RASSF6: variants seen among roughly 807,000 people sequenced by gnomAD.
RASSF6 encodes the protein ras association domain-containing protein 6.
In RASSF6, 52 loss-of-function variants were observed where a neutral mutation model predicts 44.0. That is an observed-to-expected ratio of 1.18 (90% CI 0.95 to 1.49). The LOEUF is 1.49. Among genes scored for constraint, RASSF6 ranks in the 40% most tolerant of loss-of-function variants. The probability of loss-of-function intolerance (pLI) is 0.00; values close to 1 mark genes in which losing one functional copy is unlikely to be tolerated. For synonymous variants in RASSF6, 162 were observed against 124.6 expected, an observed-to-expected ratio of 1.30 and a Z score of -2.00; for missense variants, 464 against 393.3, an observed-to-expected ratio of 1.18 and a Z score of -1.52.
intron 1 of RASSF6, among the ~76,000 whole-genome samples, chr4:73,616,194 A>G (rs1429451601): frequency 6.6e-6 from 1 of 151,998 alleles, no homozygotes; most frequent in Non-Finnish European, 1.5e-5. Flanking sequence ...ATGATTTTAC[A>G]AAGAACTAAT....
rs1578012002 is a variant in RASSF6, at chr4:73,576,276, G to T, written c.973C>A (p.Leu325Ile). The change falls in exon 11 of 11, where the codon CTT becomes ATT. Residue 325 changes from leucine to isoleucine, a missense_variant. Leu to Ile is a conservative substitution (Grantham distance 5, BLOSUM62 2). Coordinates refer to ENST00000307439, the MANE Select transcript of RASSF6 (RefSeq NM_177532.5). ...NKEKAIILKC[L>I]QNKLVIKTET... ...GTTTTTATTACTAGTTTATTTTGAA[G>T]ACATTTCAGTATAATCGCCTTTTCT... 2 of 1,562,470 alleles carry T rather than the reference G, an allele frequency of 1.3e-6. No homozygotes were observed. The highest frequency in any genetic ancestry group is 1.8e-6 in the Non-Finnish European group (2 of 1,137,180).
At chr4:73,583,756 C>T (rs779084584) in intron 6 of RASSF6, among the ~76,000 whole-genome samples, 15 of 134,234 alleles carry the variant, frequency 1.1e-4, no homozygotes, top group Non-Finnish European at 2.4e-4. Context: ...TAATGTAGAC[C>T]GAGTTCTTTT....
At chr4:73,593,094 C>A (rs1173948434) in intron 4 of RASSF6, among the ~76,000 whole-genome samples, 3 of 150,720 alleles carry the variant, frequency 2.0e-5, no homozygotes, top group Non-Finnish European at 4.4e-5. Flanking sequence ...CGGCTCACTG[C>A]AAACTCCGCC....
In RASSF6 at chr4:73,620,289, TG is replaced by T. The variant is rs1332939899; in HGVS notation, c.-37del. 23 of 1,418,984 alleles carry T rather than the reference TG, an allele frequency of 1.6e-5. No homozygotes were observed. The highest frequency in any genetic ancestry group is 2.1e-5 in the Non-Finnish European group (23 of 1,088,900). 87.9% of individuals were successfully genotyped at this position (1,418,984 alleles called of 1,614,324 possible). The stretch of plus-strand genomic sequence containing the variant: ...TTTTTCCCCATCCCCATTTTTTACC[TG>T]TTATTCACACTGTGAGCAGGAGGAC... On this transcript the variant is annotated splice_region_variant and 5_prime_UTR_variant, in exon 1 of 11. Coordinates refer to ENST00000307439, the MANE Select transcript of RASSF6 (RefSeq NM_177532.5).
chr4:73,577,427 A>G (rs1723309564), intron 8 of RASSF6, among the ~76,000 whole-genome samples: 1 of 152,234 alleles, frequency 6.6e-6, no homozygotes, highest in Non-Finnish European at 1.5e-5. Context: ...ATCAGAATAA[A>G]GCATGAACAA....
At position 73,587,859 on chromosome 4, in the gene RASSF6, T is replaced by A. The variant is rs1306887869; in HGVS notation, c.363A>T (p.Glu121Asp). The A allele has an allele frequency of 6.2e-7, 1 of 1,608,592 alleles. No individual in the cohort carries two copies. The change falls in exon 5 of 11, where the codon GAA becomes GAT. Residue 121 changes from glutamate to aspartate, a missense_variant. Transcript: ENST00000307439. ...ACTGACCTTCCTGGGAATTCCTTTT[T>A]TCAGACATAGGAATCTGGGTCCTGT... ...ELDRTQIPMS[E>D]KRNSQEDYLS...
At chr4:73,588,027 G>T in intron 4 of RASSF6, 93 bp from the exon 5 acceptor site, 1 of 732,358 alleles carries the variant, frequency 1.4e-6, no homozygotes, top group Non-Finnish European at 2.3e-6. Context: ...TAGTAATACT[G>T]TGGGCCTCTG....
At chr4:73,577,808 G>T (rs575454903) in intron 8 of RASSF6, among the ~76,000 whole-genome samples, 6 of 152,190 alleles carry the variant, frequency 3.9e-5, no homozygotes, top group African/African-American at 1.4e-4. Context: ...TAAAAATAAT[G>T]ATTAAAAAAT....
chr4:73,619,795 T>C (rs1226637094), intron 1 of RASSF6, among the ~76,000 whole-genome samples: 1 of 152,098 alleles, frequency 6.6e-6, no homozygotes, highest in Non-Finnish European at 1.5e-5. Flanking sequence ...AATTCATTTT[T>C]TTTTTGGTGG....
intron 3 of RASSF6, 68 bp downstream of exon 3, chr4:73,598,572 G>GTGTGTGTGTGTGTGTGCACGCA: frequency 1.4e-6 from 1 of 737,764 alleles, no homozygotes; most frequent in South Asian, 1.8e-5. Context: ...CCAGAATTGT[G>GTGTGTGTGTGTGTGTGCACGCA]TGTGTGTGTG....
chr4:73,601,284 G>T (rs1356971412), intron 2 of RASSF6, among the ~76,000 whole-genome samples: 1 of 152,170 alleles, frequency 6.6e-6, no homozygotes, highest in Non-Finnish European at 1.5e-5. Flanking sequence ...AGTTGTATTG[G>T]AATATCACCA....
At chr4:73,581,711 C>T (rs1560440025) in intron 8 of RASSF6, 106 bp downstream of exon 8, 4 of 667,486 alleles carry the variant, frequency 6.0e-6, no homozygotes, top group East Asian at 5.4e-5. Flanking sequence ...CTACCCATTC[C>T]TCCCCTTTCT....
Position 73,576,236 on chromosome 4 carries a change from T to C in RASSF6, c.1013A>G (p.Ter338TrpextTer19), listed in dbSNP as rs1374931030. The C allele has an allele frequency of 6.5e-7, 1 of 1,535,876 alleles. No individual in the cohort carries two copies. Among genetic ancestry groups the C allele is most frequent in the Admixed American group, 1.7e-5 (1 of 57,430 alleles). ...KLVIKTETTV[*>W] ...TTTTAGCAATAGAAGCTTGTACTGC[T>C]AAACTGTTGTCTCTGTTTTTATTAC... The change falls in exon 11 of 11, where the codon TAG (stop) becomes TGG (tryptophan). Residue 338 changes from the stop codon to tryptophan, a stop_lost. Coordinates refer to ENST00000307439, the MANE Select transcript of RASSF6 (RefSeq NM_177532.5).
At chr4:73,589,908 A>T (rs906694445) in intron 4 of RASSF6, among the ~76,000 whole-genome samples, 1 of 152,302 alleles carries the variant, frequency 6.6e-6, no homozygotes, top group Admixed American at 6.5e-5. Flanking sequence ...CCCTACCCAT[A>T]CTGTAAGTAA....
chr4:73,581,801 G>A lies in RASSF6; in HGVS notation c.721+16C>T, dbSNP rs1192881240. 3 of 1,582,722 alleles carry A rather than the reference G, an allele frequency of 1.9e-6. No individual in the cohort carries two copies. The highest frequency in any genetic ancestry group is 2.7e-5 in the African/African-American group (2 of 74,248). On this transcript the variant is annotated intron_variant, in intron 8 of 10. Coordinates refer to ENST00000307439, the MANE Select transcript of RASSF6 (RefSeq NM_177532.5). ...CACTCTAGAGTCAGGTAAAAAGTGT[G>A]ATCAAGCTTTCTTACCTCCTGTTGC... is the stretch of plus-strand genomic sequence containing the variant.
intron 4 of RASSF6, among the ~76,000 whole-genome samples, chr4:73,588,327 T>C (rs1199951487): frequency 6.6e-6 from 1 of 152,084 alleles, no homozygotes; most frequent in East Asian, 1.9e-4. Flanking sequence ...TGTCAATATG[T>C]ATTGTACCTT....
chr4:73,602,793 T>C (rs376858338), intron 2 of RASSF6, among the ~76,000 whole-genome samples: 1 of 152,082 alleles, frequency 6.6e-6, no homozygotes, highest in African/African-American at 2.4e-5. Context: ...GCCCAAGAAA[T>C]AGACACAAGT....
intron 2 of RASSF6, among the ~76,000 whole-genome samples, chr4:73,607,744 G>A (rs1179239414): frequency 6.6e-6 from 1 of 151,656 alleles, no homozygotes; most frequent in Non-Finnish European, 1.5e-5. Flanking sequence ...AACCCTCCAG[G>A]TGGTTCTGCT....
At chr4:73,587,005 G>A (rs565538544) in intron 5 of RASSF6, among the ~76,000 whole-genome samples, 5 of 151,748 alleles carry the variant, frequency 3.3e-5, no homozygotes, top group African/African-American at 9.7e-5. Context: ...AACTGACTTC[G>A]TAAATCACAG....
Sources: allele counts gnomAD v4.1 joint callset (sites outside exome capture counted in the v4.1 genomes callset), GRCh38; gene constraint gnomAD v4.1.1; transcripts MANE v1.5; gene names NCBI Gene and HGNC (gene_info 2026-07-23, HGNC 2026-07-21).